Variants in CSMD1 observed in about 807,000 individuals in gnomAD.
CSMD1 encodes CUB and sushi domain-containing protein 1.
CSMD1 carries 213 observed loss-of-function variants against 417.5 expected under a neutral mutation model. That is an observed-to-expected ratio of 0.51 (90% confidence interval 0.46 to 0.57). The LOEUF is 0.57. Ranked by LOEUF, CSMD1 falls within the 20% of genes least tolerant of loss-of-function variation. The probability of loss-of-function intolerance (pLI) is 0.00; values close to 1 mark genes in which losing one functional copy is unlikely to be tolerated. For missense variants in CSMD1, 6,923 were observed against 4,529.7 expected (o/e 1.53, Z -15.17); for synonymous variants, 2,862 against 1,736.8 (o/e 1.65, Z -16.11).
At position 3,686,349 on chromosome 8, in the gene CSMD1, T is replaced by C. The variant is rs1050673128; in HGVS notation, c.1009+22065A>G. ...AAGCGCCTTCACTTCTCTACGCTTG[T>C]CTTCACTTTTCTAGGATAGGGAGGT... is the stretch of plus-strand genomic sequence containing the variant. On this transcript the variant is annotated intron_variant, in intron 7 of 69. Transcript: ENST00000635120. Among the ~76,000 whole-genome samples, 89 of 152,166 alleles carry C rather than the reference T, an allele frequency of 5.8e-4. 1 individual carries two copies. The highest frequency in any genetic ancestry group is 1.9e-4 in the Non-Finnish European group (13 of 68,032).
intron 1 of CSMD1, among the ~76,000 whole-genome samples, chr8:4,866,155 T>C (rs962530534): frequency 3.9e-5 from 6 of 151,986 alleles, no homozygotes; most frequent in African/African-American, 1.5e-4. Flanking sequence ...CTGCAAAGTT[T>C]ATGACATCTG....
intron 5 of CSMD1, among the ~76,000 whole-genome samples, chr8:3,773,753 C>A (rs961492095): frequency 6.6e-6 from 1 of 152,186 alleles, no homozygotes; most frequent in Non-Finnish European, 1.5e-5. Flanking sequence ...GGCGGTGACA[C>A]TAACCCAGAA....
intron 7 of CSMD1, among the ~76,000 whole-genome samples, chr8:3,666,250 T>A (rs751895025): frequency 6.7e-6 from 1 of 149,832 alleles, no homozygotes; most frequent in African/African-American, 2.4e-5. Flanking sequence ...ACTTTCCATT[T>A]CTATTCCTCA....
intron 2 of CSMD1, among the ~76,000 whole-genome samples, chr8:4,523,620 CAG>C (rs1045457972): frequency 7.9e-5 from 12 of 152,190 alleles, no homozygotes; most frequent in Admixed American, 2.0e-4. Context: ...TAATGCAAGT[CAG>C]AAAACCAAGG....
chr8:4,066,070 G>A (rs1799230178), intron 3 of CSMD1, among the ~76,000 whole-genome samples: 1 of 152,174 alleles, frequency 6.6e-6, no homozygotes, highest in Admixed American at 6.5e-5. Context: ...TGGAATAGGT[G>A]GCTCATTTAC....
At chr8:3,556,539 C>G (rs1799158689) in intron 10 of CSMD1, among the ~76,000 whole-genome samples, 1 of 149,220 alleles carries the variant, frequency 6.7e-6, no homozygotes, top group African/African-American at 2.5e-5. Flanking sequence ...CACACACACA[C>G]ACACACACAC....
chr8:3,615,698 A>G lies in CSMD1; in HGVS notation c.1097+1012T>C, dbSNP rs1477962143. 2.6e-5 allele frequency among the ~76,000 whole-genome samples: 4 copies of G among 152,184 alleles called. No homozygotes were observed. The East Asian group carries it at 7.7e-4, about 29-fold the overall frequency. On this transcript the variant is annotated intron_variant, in intron 8 of 69. Transcript: ENST00000635120. ...CATTCCTTCTTTCCTCTCTAATAGT[A>G]GCAGTACTTTTCTTCCATTTGTAGC... is the stretch of plus-strand genomic sequence containing the variant.
intron 6 of CSMD1, among the ~76,000 whole-genome samples, chr8:3,714,184 A>G (rs1240066430): frequency 4.0e-5 from 6 of 150,460 alleles, no homozygotes; most frequent in Non-Finnish European, 8.9e-5. Context: ...ATATATGTAT[A>G]TAATAAGCTC....
intron 11 of CSMD1, among the ~76,000 whole-genome samples, chr8:3,476,149 C>A (rs188370982): frequency 7.4e-4 from 113 of 152,258 alleles, no homozygotes; most frequent in African/African-American, 2.6e-3. Flanking sequence ...TCAAGACTAG[C>A]CTGCGCAACA....
intron 1 of CSMD1, among the ~76,000 whole-genome samples, chr8:4,846,171 C>G (rs998538193): frequency 4.6e-5 from 7 of 152,306 alleles, no homozygotes; most frequent in African/African-American, 1.7e-4. Flanking sequence ...TGAAAACTAG[C>G]ACATGCACCA....
At chr8:4,791,951 T>C (rs568075325) in intron 1 of CSMD1, among the ~76,000 whole-genome samples, 1 of 152,248 alleles carries the variant, frequency 6.6e-6, no homozygotes, top group South Asian at 2.1e-4. Flanking sequence ...TTTCCTTTTT[T>C]TTTAAATACA....
chr8:3,218,068 T>C (rs2116840173), intron 29 of CSMD1, among the ~76,000 whole-genome samples: 1 of 152,168 alleles, frequency 6.6e-6, no homozygotes, highest in Non-Finnish European at 1.5e-5. Flanking sequence ...AAATGTTGAG[T>C]TGAAGGTGGT....
chr8:4,154,404 A>G (rs1450083033), intron 3 of CSMD1, among the ~76,000 whole-genome samples: 1 of 152,248 alleles, frequency 6.6e-6, no homozygotes, highest in Non-Finnish European at 1.5e-5. Context: ...ATAAGTATAG[A>G]CAAAGGCATT....
rs557047991 is a variant in CSMD1 at position 3,651,601 on chromosome 8, C to G, written c.1010-34804G>C. ...TAGAACACTAGAATAGCCCCTGCCC[C>G]CCTGCACTCATTGTCCTTCTCATCC... is the stretch of plus-strand genomic sequence containing the variant. On this transcript the variant is annotated intron_variant, in intron 7 of 69. Coordinates refer to ENST00000635120, the MANE Select transcript of CSMD1 (RefSeq NM_033225.6). Among the ~76,000 whole-genome samples the G allele has an allele frequency of 9.9e-5, 15 of 152,220 alleles. No individual in the cohort carries two copies. The South Asian group carries it at 3.1e-3, about 32-fold the overall frequency.
chr8:3,555,136 G>T (rs893372868), intron 10 of CSMD1, among the ~76,000 whole-genome samples: 4 of 151,930 alleles, frequency 2.6e-5, no homozygotes, highest in African/African-American at 9.7e-5. Context: ...ATTAAATTAT[G>T]AGCAAAACCT....
chr8:4,568,599 A>C (rs1161128718), intron 2 of CSMD1, among the ~76,000 whole-genome samples: 1 of 152,280 alleles, frequency 6.6e-6, no homozygotes, highest in South Asian at 2.1e-4. Flanking sequence ...ATGCATCTTC[A>C]TAATAGAAAG....
intron 2 of CSMD1, among the ~76,000 whole-genome samples, chr8:4,422,727 C>G (rs183300385): frequency 6.6e-6 from 1 of 151,900 alleles, no homozygotes; most frequent in African/African-American, 2.4e-5. Flanking sequence ...CAGATAAACA[C>G]AGAAAAAAGA....
At chr8:4,135,695 ATAT>A (rs1483954518) in intron 3 of CSMD1, among the ~76,000 whole-genome samples, 3 of 152,186 alleles carry the variant, frequency 2.0e-5, no homozygotes, top group Non-Finnish European at 2.9e-5. Flanking sequence ...ATTAGTCAGG[ATAT>A]TATTATTGTA....
At chr8:3,763,922 A>G (rs1359464303) in intron 5 of CSMD1, among the ~76,000 whole-genome samples, 1 of 152,126 alleles carries the variant, frequency 6.6e-6, no homozygotes, top group African/African-American at 2.4e-5. Context: ...AATAACCTCT[A>G]TGGGAATCAA....
Sources: gnomAD v4.1 joint callset for allele counts (sites outside exome capture counted in the v4.1 genomes callset) on GRCh38, gnomAD v4.1.1 for gene constraint, MANE v1.5 for transcripts, NCBI Gene and HGNC (gene_info 2026-07-23, HGNC 2026-07-21) for gene names.